Variants in DIPK1A observed in about 807,000 individuals in gnomAD.
The protein encoded by DIPK1A is divergent protein kinase domain 1A.
A neutral mutation model predicts 40.8 loss-of-function variants in DIPK1A; 27 were observed. The observed-to-expected ratio is 0.66, with a 90% CI of 0.49 to 0.91. The LOEUF (loss-of-function observed/expected upper bound fraction) is 0.91. Among genes scored for constraint, DIPK1A ranks in the 40% least tolerant of loss-of-function variants. DIPK1A has a pLI of 0.00. For synonymous variants in DIPK1A, 166 were observed against 171.3 expected, an observed-to-expected ratio of 0.97 and a Z score of 0.24; for missense variants, 412 against 505.7, an observed-to-expected ratio of 0.81 and a Z score of 1.78.
intron 4 of DIPK1A, among the ~76,000 whole-genome samples, chr1:92,846,805 A>G (rs1163684130): frequency 2.9e-3 from 7 of 2,394 alleles, no homozygotes; most frequent in Admixed American, 7.5e-3. Flanking sequence ...ATATATATAT[A>G]TATATATATA....
At chr1:92,849,428 G>A (rs1687739301) in intron 3 of DIPK1A, among the ~76,000 whole-genome samples, 1 of 151,436 alleles carries the variant, frequency 6.6e-6, no homozygotes, top group Non-Finnish European at 1.5e-5. Flanking sequence ...GCTCACTGCA[G>A]CCCTGACCTC....
intron 4 of DIPK1A, among the ~76,000 whole-genome samples, chr1:92,844,503 C>G (rs529353238): frequency 1.3e-5 from 2 of 152,178 alleles, no homozygotes; most frequent in Non-Finnish European, 2.9e-5. Context: ...ATTCCTCATT[C>G]ATACATTAAA....
intron 1 of DIPK1A, among the ~76,000 whole-genome samples, chr1:92,952,914 T>C (rs545601209): frequency 6.6e-6 from 1 of 152,150 alleles, no homozygotes; most frequent in Non-Finnish European, 1.5e-5. Context: ...TAAGATCTAA[T>C]AATAGTCTAT....
At chr1:92,893,713 G>A (rs1301447947) in intron 1 of DIPK1A, among the ~76,000 whole-genome samples, 2 of 151,814 alleles carry the variant, frequency 1.3e-5, no homozygotes, top group Non-Finnish European at 2.9e-5. Flanking sequence ...CTGGCAAATT[G>A]GATAAAGAGT....
intron 1 of DIPK1A, among the ~76,000 whole-genome samples, chr1:92,956,102 G>A (rs183835356): frequency 3.5e-4 from 53 of 152,232 alleles, no homozygotes; most frequent in African/African-American, 1.3e-3. Context: ...CTATTCATGT[G>A]TCAGGACAAG....
In DIPK1A at chr1:92,946,960, A is replaced by AAC. The variant is rs536044752; in HGVS notation, c.54+14414_54+14415dup. Among the ~76,000 whole-genome samples the AAC allele has an allele frequency of 8.8e-5, 13 of 147,656 alleles. 1 individual carries two copies. Among genetic ancestry groups the AAC allele is most frequent in the South Asian group, 2.1e-4 (1 of 4,706 alleles). On this transcript the variant is annotated intron_variant, in intron 1 of 4. Transcript: ENST00000370310. Reference sequence around the variant, plus strand: ...CCCTGTCTCAAAAAAAAAAAAAAAAAACCACACAGACATAAAAGTCTATTA... The same window carrying AAC: ...CCCTGTCTCAAAAAAAAAAAAAAAAAACACCACACAGACATAAAAGTCTATTA...
At chr1:92,877,004 C>T (rs547524303) in intron 1 of DIPK1A, 93 of 985,194 alleles carry the variant, frequency 9.4e-5, no homozygotes, top group East Asian at 1.1e-4. Context: ...AATGTTTCAC[C>T]GAATAGATAT....
chr1:92,961,374 A>G lies in DIPK1A; in HGVS notation c.54+2T>C. 1 of 1,517,380 alleles carries G rather than the reference A, an allele frequency of 6.6e-7. No individual in the cohort carries two copies. The highest frequency in any genetic ancestry group is 8.9e-7 in the Non-Finnish European group (1 of 1,129,196). The allele number at this position is 1,517,380 out of a possible 1,614,324, so 94.0% of individuals were successfully genotyped here. On this transcript the variant is annotated splice_donor_variant, in intron 1 of 4. Transcript: ENST00000370310. LOFTEE classifies it high-confidence loss of function. ...CTGGTGGCTGGGCGGCCGCCGGCCT[A>G]CCTGGAGGTAATAGGGTTTCCTTAG... is the stretch of plus-strand genomic sequence containing the variant.
intron 1 of DIPK1A, among the ~76,000 whole-genome samples, chr1:92,895,952 G>A (rs1007544560): frequency 2.6e-5 from 4 of 152,088 alleles, no homozygotes; most frequent in African/African-American, 9.7e-5. Context: ...TACAAGGGAT[G>A]TGAAGGACCT....
intron 4 of DIPK1A, chr1:92,833,713 TGGGA>T: frequency 4.2e-6 from 6 of 1,438,120 alleles, no homozygotes; most frequent in Non-Finnish European, 5.9e-6. Context: ...AAATTGTGCT[TGGGA>T]AGCAAAGCAC....
intron 4 of DIPK1A, among the ~76,000 whole-genome samples, chr1:92,834,327 AG>A (rs1687033123): frequency 6.6e-6 from 1 of 152,232 alleles, no homozygotes. Context: ...AAAGACCTTT[AG>A]GAAGTGTCAG....
chr1:92,913,652 G>C (rs1000444865), intron 1 of DIPK1A, among the ~76,000 whole-genome samples: 1 of 152,166 alleles, frequency 6.6e-6, no homozygotes, highest in Non-Finnish European at 1.5e-5. Context: ...GACACACAGA[G>C]GGCAGCAGTA....
At chr1:92,838,804 G>C (rs558274179), downstream of DIPK1A, among the ~76,000 whole-genome samples, 19 of 152,338 alleles carry the variant, frequency 1.2e-4, no homozygotes, top group Admixed American at 1.2e-3. Flanking sequence ...TGAACAGCTA[G>C]CTATAATAGA....
intron 1 of DIPK1A, among the ~76,000 whole-genome samples, chr1:92,921,518 C>T (rs563832536): frequency 6.6e-6 from 1 of 152,262 alleles, no homozygotes; most frequent in South Asian, 2.1e-4. Flanking sequence ...AACAATAAGA[C>T]AATTTGCTAC....
chr1:92,958,492 A>G (rs1651932484), intron 1 of DIPK1A, among the ~76,000 whole-genome samples: 1 of 152,130 alleles, frequency 6.6e-6, no homozygotes, highest in Non-Finnish European at 1.5e-5. Context: ...CTGGCCCTCC[A>G]TCTCTTCCCT....
downstream of DIPK1A, chr1:92,840,187 T>TAA (rs1687295712): frequency 2.0e-5 from 5 of 256,046 alleles, no homozygotes; most frequent in Admixed American, 2.6e-4. Context: ...GCTAATTAGT[T>TAA]TTTTTATGGA....
chr1:92,957,961 A>G (rs1279610757), intron 1 of DIPK1A, among the ~76,000 whole-genome samples: 1 of 152,190 alleles, frequency 6.6e-6, no homozygotes, highest in Non-Finnish European at 1.5e-5. Context: ...GACATCTCAT[A>G]TGAATGAAAT....
At chr1:92,950,292 T>C (rs1330819567) in intron 1 of DIPK1A, among the ~76,000 whole-genome samples, 2 of 152,180 alleles carry the variant, frequency 1.3e-5, no homozygotes, top group Non-Finnish European at 2.9e-5. Context: ...GTCTGGAAAC[T>C]GGAAGTTTTT....
chr1:92,843,950 G>C lies in DIPK1A; in HGVS notation c.720C>G (p.Ser240Arg), dbSNP rs779260777. ...TAAAAAGTTCAATGACCCAAGGAAGGCTTATTCCATAAAGAGAGGTATATT... is the reference window on the plus strand; with the variant it reads ...TAAAAAGTTCAATGACCCAAGGAAGCCTTATTCCATAAAGAGAGGTATATT... ...SVEYTSLYGI[S>R]LPWVIELFIP... Residue 240 changes from serine to arginine, a missense_variant, in exon 5 of 5, where the codon AGC becomes AGG. Physicochemically the swap from Ser to Arg is moderately radical, Grantham distance 110. Coordinates refer to ENST00000370310, the MANE Select transcript of DIPK1A (RefSeq NM_001006605.5). 1 of 1,551,868 alleles carries C rather than the reference G, an allele frequency of 6.4e-7. No individual in the cohort carries two copies. Among genetic ancestry groups the C allele is most frequent in the South Asian group, 1.2e-5 (1 of 84,058 alleles).
Sources: gnomAD v4.1 joint callset for allele counts (sites outside exome capture counted in the v4.1 genomes callset) on GRCh38, gnomAD v4.1.1 for gene constraint, MANE v1.5 for transcripts, NCBI Gene and HGNC (gene_info 2026-07-23, HGNC 2026-07-21) for gene names.